PHTF2: variants seen among roughly 807,000 people sequenced by gnomAD.
PHTF2 encodes the protein protein PHTF2.
PHTF2 carries 60 observed loss-of-function variants against 101.2 expected under a neutral mutation model. The observed-to-expected ratio is 0.59, with a 90% CI of 0.48 to 0.73. The LOEUF is 0.73. Ranked by LOEUF, PHTF2 falls within the 30% of genes least tolerant of loss-of-function variation. The pLI is 0.00. For synonymous variants in PHTF2, 311 were observed against 307.3 expected, an observed-to-expected ratio of 1.01 and a Z score of -0.13; for missense variants, 747 against 908.7, an observed-to-expected ratio of 0.82 and a Z score of 2.29.
chr7:77,801,924 A>G (rs1267775249), intron 1 of PHTF2, among the ~76,000 whole-genome samples: 1 of 152,248 alleles, frequency 6.6e-6, no homozygotes, highest in Non-Finnish European at 1.5e-5. Flanking sequence ...TTATCTGTTT[A>G]ATGGAAAGGG....
chr7:77,904,319 A>G (rs911389820), intron 7 of PHTF2, among the ~76,000 whole-genome samples: 20 of 152,010 alleles, frequency 1.3e-4, no homozygotes, highest in African/African-American at 4.6e-4. Context: ...TCAATCCTCT[A>G]TGTTCTCTCA....
At chr7:77,935,309 G>T (rs1805020533) in intron 12 of PHTF2, among the ~76,000 whole-genome samples, 1 of 133,130 alleles carries the variant, frequency 7.5e-6, no homozygotes, top group Non-Finnish European at 1.5e-5. Flanking sequence ...TTCAAGCTCT[G>T]CCTCCCGGGT....
chr7:77,901,252 C>CTTTTTAGAAATAAA lies in PHTF2; in HGVS notation c.286+472_286+473insTTTTTAGAAATAAA, dbSNP rs1801363216. Among the ~76,000 whole-genome samples, 5 of 152,206 alleles carry CTTTTTAGAAATAAA rather than the reference C, an allele frequency of 3.3e-5. No individual in the cohort carries two copies. The South Asian group carries it at 6.2e-4, about 19-fold the overall frequency. The stretch of plus-strand genomic sequence containing the variant: ...TGGGGACTGATATTCCAAACTATAT[C>CTTTTTAGAAATAAA]AGATATCTATCTGTCTGTCTATCTT... On this transcript the variant is annotated intron_variant, in intron 6 of 19. Transcript: ENST00000416283.
At chr7:77,803,508 T>C (rs144121396) in intron 1 of PHTF2, among the ~76,000 whole-genome samples, 1 of 152,312 alleles carries the variant, frequency 6.6e-6, no homozygotes, top group African/African-American at 2.4e-5. Context: ...TTGTGTGACA[T>C]TGGACTCATT....
Position 77,809,794 on chromosome 7 carries a change from T to C in PHTF2, c.-36+10823T>C, listed in dbSNP as rs147259899. On this transcript the variant is annotated intron_variant, in intron 1 of 19. Coordinates refer to ENST00000416283, the Ensembl canonical transcript of PHTF2. ...AAAATCTCTGTAGGTGAAATGGACT[T>C]GAGATGGGCTTAACCTGTCTCTTCA... is the stretch of plus-strand genomic sequence containing the variant. Among the ~76,000 whole-genome samples, 674 of 152,340 alleles carry C rather than the reference T, an allele frequency of 4.4e-3. 2 individuals are homozygous for C. The highest frequency in any genetic ancestry group is 7.7e-3 in the Non-Finnish European group (521 of 68,022).
intron 3 of PHTF2, among the ~76,000 whole-genome samples, chr7:77,855,967 G>T (rs1412513067): frequency 6.6e-6 from 1 of 152,092 alleles, no homozygotes; most frequent in African/African-American, 2.4e-5. Flanking sequence ...CTGATTTTTG[G>T]TTTTTATAGA....
At chr7:77,949,910 G>A in intron 17 of PHTF2, 77 bp downstream of exon 16, 1 of 798,964 alleles carries the variant, frequency 1.3e-6, no homozygotes, top group Middle Eastern at 3.9e-4. Context: ...TGTTTTTCAA[G>A]AATGTGTTCT....
chr7:77,805,964 C>T (rs1012542921), intron 1 of PHTF2, among the ~76,000 whole-genome samples: 1 of 152,142 alleles, frequency 6.6e-6, no homozygotes, highest in African/African-American at 2.4e-5. Flanking sequence ...CATTTGAGAT[C>T]AGGAGTTCGA....
At chr7:77,841,075 C>CTTTTTTTTTTTTTTTTTTTTTTTTTTT (rs57283892) in intron 2 of PHTF2, among the ~76,000 whole-genome samples, 1 of 77,286 alleles carries the variant, frequency 1.3e-5, no homozygotes, top group Non-Finnish European at 2.3e-5. Context: ...AAAAAACAGA[C>CTTTTTTTTTTTTTTTTTTTTTTTTTTT]TTTTTTTTTT....
intron 11 of PHTF2, among the ~76,000 whole-genome samples, chr7:77,924,848 T>C (rs12539382): frequency 0.15 from 23,334 of 152,028 alleles, 2,471 homozygotes; most frequent in African/African-American, 0.3. Context: ...AGATGGGGAT[T>C]TTGTCATTTA....
At chr7:77,893,224 T>A (rs1390987874) in intron 3 of PHTF2, among the ~76,000 whole-genome samples, 1 of 152,146 alleles carries the variant, frequency 6.6e-6, no homozygotes, top group African/African-American at 2.4e-5. Context: ...CCTGATAGTT[T>A]TTTGTTTTTT....
At chr7:77,893,776 T>G in intron 4 of PHTF2, 112 bp downstream of exon 3, 1 of 618,474 alleles carries the variant, frequency 1.6e-6, no homozygotes. Flanking sequence ...ACTATTCTAT[T>G]GAAGCTTTTA....
chr7:77,825,312 G>A (rs1794618965), intron 1 of PHTF2, among the ~76,000 whole-genome samples: 2 of 152,146 alleles, frequency 1.3e-5, no homozygotes. Flanking sequence ...ACAAGACAAA[G>A]GAAAGAGGAA....
At chr7:77,900,429 C>T (rs988464896) in intron 5 of PHTF2, among the ~76,000 whole-genome samples, 1 of 152,120 alleles carries the variant, frequency 6.6e-6, no homozygotes, top group Non-Finnish European at 1.5e-5. Flanking sequence ...AAGCTGTACA[C>T]CTAAATTTGC....
intron 3 of PHTF2, among the ~76,000 whole-genome samples, chr7:77,871,021 GT>G (rs1338062364): frequency 2.0e-5 from 3 of 152,210 alleles, no homozygotes; most frequent in African/African-American, 7.2e-5. Flanking sequence ...TACAGTCCTT[GT>G]TTCTGCAGCT....
At chr7:77,824,129 C>T (rs937078519) in intron 1 of PHTF2, among the ~76,000 whole-genome samples, 2 of 151,672 alleles carry the variant, frequency 1.3e-5, no homozygotes, top group African/African-American at 4.8e-5. Context: ...TTTCTGTGTG[C>T]CAGGTATAGA....
intron 11 of PHTF2, among the ~76,000 whole-genome samples, chr7:77,925,425 A>T (rs1803870400): frequency 6.6e-6 from 1 of 150,500 alleles, no homozygotes; most frequent in African/African-American, 2.4e-5. Flanking sequence ...GATATTCACT[A>T]TTAATCACAC....
intron 1 of PHTF2, among the ~76,000 whole-genome samples, chr7:77,804,898 T>C (rs6975196): frequency 0.14 from 21,275 of 152,258 alleles, 2,562 homozygotes; most frequent in African/African-American, 0.32. Context: ...CACAGCTTCC[T>C]TCAGAATAAT....
chr7:77,929,169 G>C, exon 12 of PHTF2: 1 of 1,613,956 alleles, frequency 6.2e-7, no homozygotes, highest in Non-Finnish European at 8.5e-7. Flanking sequence ...ACAGGATTCT[G>C]AGAGTGCAAG....
Sources: allele counts gnomAD v4.1 joint callset (sites outside exome capture counted in the v4.1 genomes callset), GRCh38; gene constraint gnomAD v4.1.1; transcripts MANE v1.5; gene names NCBI Gene and HGNC (gene_info 2026-07-23, HGNC 2026-07-21).